Variants in MEF2A observed in about 807,000 individuals in gnomAD.
MEF2A encodes myocyte-specific enhancer factor 2A.
In MEF2A, 28 loss-of-function variants were observed where a neutral mutation model predicts 55.8. The ratio of observed to expected loss-of-function variants is 0.50; its 90% CI spans 0.37 to 0.69. The LOEUF is 0.69. MEF2A is among the 30% of genes least tolerant of loss of function. The probability of loss-of-function intolerance (pLI) is 0.00; values close to 1 mark genes in which losing one functional copy is unlikely to be tolerated. For synonymous variants in MEF2A, 239 were observed against 227.1 expected, an observed-to-expected ratio of 1.05 and a Z score of -0.47; for missense variants, 528 against 626.2, an observed-to-expected ratio of 0.84 and a Z score of 1.67.
chr15:99,684,905 C>T (rs1287764709), intron 7 of MEF2A, among the ~76,000 whole-genome samples: 1 of 152,188 alleles, frequency 6.6e-6, no homozygotes, highest in Non-Finnish European at 1.5e-5. Context: ...CTTTCTTCTA[C>T]ATGTGGCTTG....
chr15:99,709,438 G>C (rs1287488134), intron 10 of MEF2A, among the ~76,000 whole-genome samples: 2 of 152,248 alleles, frequency 1.3e-5, no homozygotes, highest in African/African-American at 4.8e-5. Context: ...GAGGTCGAAG[G>C]AGACTGTGGG....
chr15:99,697,351 C>A lies in MEF2A; in HGVS notation c.859-6011C>A, dbSNP rs325390. Among the ~76,000 whole-genome samples, 62 of 151,446 alleles carry A rather than the reference C, an allele frequency of 4.1e-4. No homozygotes were observed. The East Asian group carries it at 0.01, about 26-fold the overall frequency. On this transcript the variant is annotated intron_variant, in intron 8 of 11. Transcript: ENST00000557942. ...CATGTAGAAAAGTGTAAAGAAATTA[C>A]AAAAAAAACTCCTCGGACCAATCAG...
chr15:99,648,532 A>G (rs2046341211), intron 4 of MEF2A, among the ~76,000 whole-genome samples: 1 of 152,126 alleles, frequency 6.6e-6, no homozygotes, highest in South Asian at 2.1e-4. Context: ...AGTGATTTCT[A>G]AAGTATATGA....
intron 4 of MEF2A, among the ~76,000 whole-genome samples, chr15:99,654,533 C>A (rs1486363761): frequency 2.1e-5 from 3 of 143,744 alleles, no homozygotes. Flanking sequence ...AGCGAGGCTC[C>A]ATCTCAAAAA....
intron 2 of MEF2A, among the ~76,000 whole-genome samples, chr15:99,603,455 C>T (rs1974007412): frequency 6.6e-6 from 1 of 151,540 alleles, no homozygotes; most frequent in Non-Finnish European, 1.5e-5. Flanking sequence ...TCACTACAAC[C>T]TCCACCTCCT....
chr15:99,708,712 G>A (rs548164836), intron 10 of MEF2A, among the ~76,000 whole-genome samples: 1 of 152,210 alleles, frequency 6.6e-6, no homozygotes, highest in South Asian at 2.1e-4. Context: ...AGTGAAGCCT[G>A]GGGGGAAGGC....
intron 1 of MEF2A, among the ~76,000 whole-genome samples, chr15:99,596,708 T>C (rs1434769121): frequency 1.3e-5 from 2 of 152,172 alleles, no homozygotes; most frequent in East Asian, 1.9e-4. Context: ...TCCTGGCCAA[T>C]AGGAGCGAGG....
chr15:99,577,057 C>T (rs1016463044), intron 1 of MEF2A, among the ~76,000 whole-genome samples: 1 of 152,174 alleles, frequency 6.6e-6, no homozygotes, highest in African/African-American at 2.4e-5. Context: ...TATACTGTTT[C>T]GTTCATTAGC....
intron 2 of MEF2A, among the ~76,000 whole-genome samples, chr15:99,626,507 C>T (rs984077403): frequency 1.3e-5 from 2 of 151,950 alleles, no homozygotes; most frequent in African/African-American, 4.8e-5. Context: ...CTGCTTTCTG[C>T]TAGCTTTGAG....
Position 99,583,938 on chromosome 15 carries a change from A to G in MEF2A, c.-224-14492A>G, listed in dbSNP as rs560648425. Among the ~76,000 whole-genome samples the G allele has an allele frequency of 5.1e-4, 77 of 152,222 alleles. 1 individual carries two copies. The highest frequency in any genetic ancestry group is 2.6e-4 in the Non-Finnish European group (18 of 67,966). ...TCATAGAGTGCACAGTATTTACACAAACTTAGATGGCACAGTCTACTACAC... is the reference window on the plus strand; with the variant it reads ...TCATAGAGTGCACAGTATTTACACAGACTTAGATGGCACAGTCTACTACAC... On this transcript the variant is annotated intron_variant, in intron 1 of 11. Transcript: ENST00000557942.
intron 5 of MEF2A, among the ~76,000 whole-genome samples, chr15:99,673,267 A>G (rs1222358182): frequency 6.6e-6 from 1 of 152,196 alleles, no homozygotes; most frequent in Non-Finnish European, 1.5e-5. Flanking sequence ...GGCAAATACC[A>G]TTATTATTCT....
chr15:99,674,916 G>A (rs2051629946), intron 6 of MEF2A, among the ~76,000 whole-genome samples: 1 of 152,126 alleles, frequency 6.6e-6, no homozygotes, highest in Non-Finnish European at 1.5e-5. Context: ...AAAGTAGAGT[G>A]TGAGCCATTC....
At chr15:99,673,389 A>G (rs897910071) in intron 5 of MEF2A, among the ~76,000 whole-genome samples, 8 of 152,192 alleles carry the variant, frequency 5.3e-5, no homozygotes, top group African/African-American at 1.9e-4. Context: ...AAATTGTCAT[A>G]TACCCACTGT....
chr15:99,700,287 G>A (rs1392030481), intron 8 of MEF2A, among the ~76,000 whole-genome samples: 1 of 147,884 alleles, frequency 6.8e-6, no homozygotes, highest in Non-Finnish European at 1.5e-5. Flanking sequence ...GCTGAGGCGG[G>A]CAGATGTTGA....
At chr15:99,668,321 A>C (rs535971767) in intron 4 of MEF2A, among the ~76,000 whole-genome samples, 1 of 152,316 alleles carries the variant, frequency 6.6e-6, no homozygotes, top group Admixed American at 6.5e-5. Context: ...ATTACTCATT[A>C]ATATTGATCT....
chr15:99,602,376 T>C (rs1973389285), intron 2 of MEF2A, among the ~76,000 whole-genome samples: 1 of 152,114 alleles, frequency 6.6e-6, no homozygotes, highest in Non-Finnish European at 1.5e-5. Context: ...TGAAGTCGTA[T>C]GTATGCTTCC....
At chr15:99,707,508 A>G (rs2058165368) in intron 10 of MEF2A, among the ~76,000 whole-genome samples, 1 of 152,182 alleles carries the variant, frequency 6.6e-6, no homozygotes, top group African/African-American at 2.4e-5. Context: ...GGGTTGTATT[A>G]GGAAAGTTTA....
chr15:99,584,287 G>T (rs1026418007), intron 1 of MEF2A, among the ~76,000 whole-genome samples: 1 of 152,150 alleles, frequency 6.6e-6, no homozygotes, highest in African/African-American at 2.4e-5. Context: ...CCCCAAGGCA[G>T]TGATACAGAA....
chr15:99,573,596 T>C (rs1386773645), intron 1 of MEF2A, among the ~76,000 whole-genome samples: 1 of 152,220 alleles, frequency 6.6e-6, no homozygotes, highest in Non-Finnish European at 1.5e-5. Context: ...ACATCCCTTC[T>C]GGCCCTATTA....
Sources: gnomAD v4.1 joint callset for allele counts (sites outside exome capture counted in the v4.1 genomes callset) on GRCh38, gnomAD v4.1.1 for gene constraint, MANE v1.5 for transcripts, NCBI Gene and HGNC (gene_info 2026-07-23, HGNC 2026-07-21) for gene names.